BCLAF3: variants seen among roughly 807,000 people sequenced by gnomAD.
BCLAF3 encodes transient octamer binding factor 1.
BCLAF3 carries 24 observed loss-of-function variants against 51.2 expected under a neutral mutation model. The observed-to-expected ratio is 0.47, with a 90% confidence interval of 0.34 to 0.66. The LOEUF (loss-of-function observed/expected upper bound fraction) is 0.66, where lower values mean the gene tolerates loss of function less well. Among genes scored for constraint, BCLAF3 ranks in the 30% least tolerant of loss-of-function variants. BCLAF3 has a pLI of 0.01. For missense variants in BCLAF3, 465 were observed against 525.1 expected (o/e 0.89, Z 1.12); for synonymous variants, 152 against 176.6 (o/e 0.86, Z 1.10).
intron 8 of BCLAF3, among the ~76,000 whole-genome samples, chrX:19,948,923 T>C (rs751122693): frequency 2.8e-4 from 31 of 110,817 alleles, no homozygotes; most frequent in African/African-American, 9.8e-4. Flanking sequence ...AGGGTTTACT[T>C]CTGGGGTGAT....
At chrX:19,980,359 T>TA (rs1323850319) in intron 1 of BCLAF3, among the ~76,000 whole-genome samples, 2 of 112,196 alleles carry the variant, frequency 1.8e-5, no homozygotes, top group African/African-American at 6.5e-5. Context: ...ACAGCAGCAC[T>TA]AAAAAATAAA....
chrX:19,984,939 G>A (rs938167731), intron 1 of BCLAF3: 9 of 112,068 alleles, frequency 8.0e-5, no homozygotes, highest in African/African-American at 2.6e-4. Flanking sequence ...TGCCTGCATC[G>A]GCCTCCCAAA....
chrX:19,929,825 A>T lies in BCLAF3; in HGVS notation c.2066T>A (p.Ile689Asn). ...TAATCTTTCTCTGAACTTATGAGTG[A>T]TAAATCCCCTTGGGCCAGTGAACCG... ...RLRFTGPRGFITHKFRERLMR... is the reference protein window; with the variant it reads ...RLRFTGPRGFNTHKFRERLMR... The change falls in exon 11 of 12, where the codon ATC becomes AAC. Residue 689 changes from isoleucine to asparagine, a missense_variant. Ile to Asn is a moderately radical substitution (Grantham distance 149, BLOSUM62 -3). Transcript: ENST00000379682. The T allele has an allele frequency of 8.3e-7, 1 of 1,209,483 alleles. No homozygotes were observed. Among genetic ancestry groups the T allele is most frequent in the Non-Finnish European group, 1.1e-6 (1 of 894,431 alleles).
chrX:19,957,260 T>A (rs778248579), intron 4 of BCLAF3, among the ~76,000 whole-genome samples: 22 of 111,715 alleles, frequency 2.0e-4, no homozygotes, highest in African/African-American at 6.8e-4. Context: ...AGCTTCCCAC[T>A]GTGTATGTGA....
Position 19,937,510 on chromosome X carries a change from A to G in BCLAF3, c.1768T>C (p.Ser590Pro). ...TCAGTATGAACATTCTTTACCTTTG[A>G]AAAACTGGAATTCTGATCATCCCTA... Reference protein sequence around the residue: ...AERDDQNSSFSKVKNVHTDGF... With the variant: ...AERDDQNSSFPKVKNVHTDGF... The change falls in exon 9 of 12, where the codon TCA becomes CCA. Residue 590 changes from serine to proline, a missense_variant. Physicochemically the swap from Ser to Pro is moderately conservative, Grantham distance 74 (BLOSUM62 -1). Coordinates refer to ENST00000379682, the MANE Select transcript of BCLAF3 (RefSeq NM_001367774.2). 2 of 1,122,022 alleles carry G rather than the reference A, an allele frequency of 1.8e-6. No homozygotes were observed. The highest frequency in any genetic ancestry group is 2.4e-6 in the Non-Finnish European group (2 of 826,984). The allele number at this position is 1,122,022 out of a possible 1,213,427, so 92.5% of individuals were successfully genotyped here.
At chrX:19,964,905 T>C (rs1405132718) in intron 4 of BCLAF3, 139 bp downstream of exon 4, 3 of 507,529 alleles carry the variant, frequency 5.9e-6, no homozygotes, top group Non-Finnish European at 9.0e-6. Context: ...CTACAGGGCT[T>C]TTTTTTTGGG....
At chrX:19,978,691 T>C (rs1243016505) in intron 1 of BCLAF3, among the ~76,000 whole-genome samples, 1 of 112,131 alleles carries the variant, frequency 8.9e-6, no homozygotes, top group South Asian at 3.7e-4. Flanking sequence ...ACTTTAATTT[T>C]GATGGAAGTG....
chrX:19,987,584 C>T (rs774696295), intron 1 of BCLAF3, among the ~76,000 whole-genome samples: 78 of 112,656 alleles, frequency 6.9e-4, no homozygotes, highest in African/African-American at 2.4e-3. Flanking sequence ...GGATTACAGG[C>T]GTGAGCCACT....
intron 3 of BCLAF3, 149 bp from the exon 4 acceptor site, chrX:19,965,855 C>G: frequency 1.5e-6 from 1 of 645,754 alleles, no homozygotes. Context: ...AGGCACAAGG[C>G]AGTTAAAGAG....
intron 8 of BCLAF3, among the ~76,000 whole-genome samples, chrX:19,945,832 C>G (rs1336028927): frequency 3.5e-4 from 37 of 105,286 alleles, no homozygotes; most frequent in African/African-American, 1.3e-3. Flanking sequence ...GCTTTGTTTA[C>G]CTAAGCAAGC....
chrX:19,934,339 T>C (rs1334485957), intron 10 of BCLAF3, among the ~76,000 whole-genome samples: 2 of 112,059 alleles, frequency 1.8e-5, no homozygotes, highest in South Asian at 3.6e-4. Context: ...GAGAACAACA[T>C]GTAGGAAGCA....
chrX:19,972,543 C>T (rs766329244), intron 1 of BCLAF3, among the ~76,000 whole-genome samples: 1 of 111,967 alleles, frequency 8.9e-6, no homozygotes, highest in African/African-American at 3.2e-5. Context: ...TTAAAGTATA[C>T]AATTCAATGT....
At chrX:19,979,552 T>G (rs775556067) in intron 1 of BCLAF3, among the ~76,000 whole-genome samples, 14 of 111,464 alleles carry the variant, frequency 1.3e-4, no homozygotes, top group Non-Finnish European at 2.4e-4. Flanking sequence ...TATTACAATA[T>G]TCACTTTATT....
At position 19,966,665 on chromosome X, in the gene BCLAF3, C is replaced by T; in HGVS notation, c.42-16G>A. 2.5e-6 allele frequency: 3 copies of T among 1,183,547 alleles called. No individual in the cohort carries two copies. The highest frequency in any genetic ancestry group is 3.4e-6 in the Non-Finnish European group (3 of 876,320). On this transcript the variant is annotated splice_polypyrimidine_tract_variant and intron_variant, in intron 2 of 11. Coordinates refer to ENST00000379682, the MANE Select transcript of BCLAF3 (RefSeq NM_001367774.2). ...TGATAAAGACCTATGTAAACAAACA[C>T]AGAAAAGTGTAAACCATTTAATCAA...
At chrX:19,922,093 T>C (rs1046559454) in intron 11 of BCLAF3, among the ~76,000 whole-genome samples, 4 of 111,244 alleles carry the variant, frequency 3.6e-5, no homozygotes, top group African/African-American at 1.3e-4. Flanking sequence ...AAGTTAACCA[T>C]AGGCCGGGAA....
intron 1 of BCLAF3, among the ~76,000 whole-genome samples, chrX:19,971,508 A>T (rs2072257703): frequency 8.9e-6 from 1 of 112,846 alleles, no homozygotes; most frequent in Admixed American, 9.4e-5. Flanking sequence ...AATAATGTCA[A>T]ATAAGTAAAT....
At position 19,929,957 on chromosome X, in the gene BCLAF3, A is replaced by G; in HGVS notation, c.1951-17T>C. On this transcript the variant is annotated splice_polypyrimidine_tract_variant and intron_variant, in intron 10 of 11. Coordinates refer to ENST00000379682, the MANE Select transcript of BCLAF3 (RefSeq NM_001367774.2). The stretch of plus-strand genomic sequence containing the variant: ...AAAGTTGCTCTGTGAAGGAAAAAAA[A>G]GGAATTAAATGCTAAAACTACACCT... 8.3e-7 allele frequency: 1 copy of G among 1,198,840 alleles called. No homozygotes were observed. Among genetic ancestry groups the G allele is most frequent in the Non-Finnish European group, 1.1e-6 (1 of 890,747 alleles).
chrX:19,913,159 C>A lies in BCLAF3; in HGVS notation c.*4146G>T, dbSNP rs985610418. 1.8e-5 allele frequency: 2 copies of A among 111,900 alleles called. No homozygotes were observed. The highest frequency in any genetic ancestry group is 9.5e-5 in the Admixed American group (1 of 10,538). The allele number at this position is 111,900 out of a possible 1,213,427, so 9.2% of individuals were successfully genotyped here. A position where few individuals can be genotyped will look rare whatever the true frequency, so the allele number is the denominator to read the frequency against. ...CGTGGCCTCGGTTCACTGCAACCTTCGCCTCCCGGGTTTAAGCAATTCTCC... is the reference window on the plus strand; with the variant it reads ...CGTGGCCTCGGTTCACTGCAACCTTAGCCTCCCGGGTTTAAGCAATTCTCC... On this transcript the variant is annotated 3_prime_UTR_variant, in exon 12 of 12. Transcript: ENST00000379682.
At chrX:19,957,980 G>A (rs1057277817) in intron 4 of BCLAF3, among the ~76,000 whole-genome samples, 2 of 111,394 alleles carry the variant, frequency 1.8e-5, no homozygotes, top group Admixed American at 9.6e-5. Flanking sequence ...TGATTAACAA[G>A]TTAATAATTT....
Sources: allele counts gnomAD v4.1 joint callset (sites outside exome capture counted in the v4.1 genomes callset), GRCh38; gene constraint gnomAD v4.1.1; transcripts MANE v1.5; gene names NCBI Gene and HGNC (gene_info 2026-07-23, HGNC 2026-07-21).